Variants in HIPK1 observed in about 807,000 individuals in gnomAD.
HIPK1 encodes the protein homeodomain interacting protein kinase 1.
Under a neutral mutation model 117.1 loss-of-function variants are expected in HIPK1, and 28 were observed. That is an observed-to-expected ratio of 0.24 (90% CI 0.18 to 0.33). The LOEUF (loss-of-function observed/expected upper bound fraction) is 0.33. HIPK1 is among the 10% of genes least tolerant of loss of function. HIPK1 has a pLI of 1.00. For synonymous variants in HIPK1, 605 were observed against 562.5 expected (o/e 1.08, Z -1.07); for missense variants, 1,122 against 1,475.1 (o/e 0.76, Z 3.92).
In HIPK1 at chr1:113,948,928, C is replaced by G. The variant is rs550448574; in HGVS notation, c.1077-3838C>G. Among the ~76,000 whole-genome samples the G allele has an allele frequency of 1.7e-4, 26 of 152,196 alleles. 1 individual carries two copies. The highest frequency in any genetic ancestry group is 4.1e-4 in the African/African-American group (17 of 41,524). On this transcript the variant is annotated intron_variant, in intron 2 of 15. Coordinates refer to ENST00000426820, the MANE Select transcript of HIPK1 (RefSeq NM_198268.3). Reference sequence around the variant, plus strand: ...TCTTGGCTCACTGCAACCTCTGCCCCCCGGGTTCAAGCGATTCTCCTGCCT... The same window carrying G: ...TCTTGGCTCACTGCAACCTCTGCCCGCCGGGTTCAAGCGATTCTCCTGCCT...
Position 113,967,888 on chromosome 1 carries a change from A to G in HIPK1, c.2504A>G (p.Gln835Arg). The G allele has an allele frequency of 6.2e-7, 1 of 1,612,006 alleles. No individual in the cohort carries two copies. The highest frequency in any genetic ancestry group is 1.1e-5 in the South Asian group (1 of 90,620). ...LNVGVAHVVR[Q>R]QQSSSLPSKK... ...GTTGGTGTTGCCCATGTTGTCAGAC[A>G]ACAACAATCCAGTTCCCTCCCTTCG... Residue 835 changes from glutamine to arginine, a missense_variant, in exon 12 of 16, where the codon CAA (glutamine) becomes CGA (arginine). This residue lies in a region of HIPK1 where 731 missense variants were observed against 860.4 expected (regional missense o/e 0.85). Transcript: ENST00000426820.
In HIPK1 at chr1:113,976,053, C is replaced by T. The variant is rs536305212; in HGVS notation, c.*2541C>T. 2 of 152,772 alleles carry T rather than the reference C, an allele frequency of 1.3e-5. No homozygotes were observed. Among genetic ancestry groups the T allele is most frequent in the East Asian group, 1.9e-4 (1 of 5,312 alleles). 9.5% of individuals were successfully genotyped at this position (152,772 alleles called of 1,614,324 possible). A position where few individuals can be genotyped will look rare whatever the true frequency, so the allele number is the denominator to read the frequency against. On this transcript the variant is annotated 3_prime_UTR_variant, in exon 16 of 16. Coordinates refer to ENST00000426820, the MANE Select transcript of HIPK1 (RefSeq NM_198268.3). Reference sequence around the variant, plus strand: ...GATGGAGATGGGAGATTTCATGGAGCCTGGTCAGCCAGCTCTGTACCAGGT... The same window carrying T: ...GATGGAGATGGGAGATTTCATGGAGTCTGGTCAGCCAGCTCTGTACCAGGT...
chr1:113,934,510 C>T (rs1670122975), intron 1 of HIPK1, among the ~76,000 whole-genome samples: 1 of 152,056 alleles, frequency 6.6e-6, no homozygotes, highest in Non-Finnish European at 1.5e-5. Flanking sequence ...ATCTTTTGCC[C>T]ATCATTGCTA....
intron 2 of HIPK1, among the ~76,000 whole-genome samples, chr1:113,944,338 A>G (rs1670849419): frequency 6.7e-6 from 1 of 149,638 alleles, no homozygotes; most frequent in African/African-American, 2.5e-5. Context: ...TAATTTTTGT[A>G]TTTTTAGTAG....
At chr1:113,932,621 C>T (rs1669971984) in intron 1 of HIPK1, among the ~76,000 whole-genome samples, 1 of 152,112 alleles carries the variant, frequency 6.6e-6, no homozygotes, top group Non-Finnish European at 1.5e-5. Flanking sequence ...TCAAGTGATC[C>T]ACCTGCCTCG....
rs1222501010 is a variant in HIPK1, at chr1:113,976,139, C to G, written c.*2627C>G. ...CTTCATTGTAAGGAGTAAGGGCTTCCAAGATGGGGCAGGTAGTCCGTACAG... is the reference window on the plus strand; with the variant it reads ...CTTCATTGTAAGGAGTAAGGGCTTCGAAGATGGGGCAGGTAGTCCGTACAG... On this transcript the variant is annotated 3_prime_UTR_variant, in exon 16 of 16. Coordinates refer to ENST00000426820, the MANE Select transcript of HIPK1 (RefSeq NM_198268.3). The G allele has an allele frequency of 1.3e-5, 2 of 152,686 alleles. No individual in the cohort carries two copies. Among genetic ancestry groups the G allele is most frequent in the East Asian group, 1.9e-4 (1 of 5,334 alleles). 9.5% of individuals were successfully genotyped at this position (152,686 alleles called of 1,614,324 possible).
In HIPK1 at chr1:113,940,650, T is replaced by C. The variant is rs754913664; in HGVS notation, c.267T>C (p.Ala89=). The C allele has an allele frequency of 6.2e-7, 1 of 1,614,226 alleles. No individual in the cohort carries two copies. The highest frequency in any genetic ancestry group is 8.5e-7 in the Non-Finnish European group (1 of 1,180,038). Residue 89 remains alanine (A), a synonymous_variant, in exon 2 of 16, where the codon GCT becomes GCC. Transcript: ENST00000426820. ...TGGAGCATATTGTTGTAACAGCCGCTGATAGCTCGGGCAGTGCTGCTACAT... is the reference window on the plus strand; with the variant it reads ...TGGAGCATATTGTTGTAACAGCCGCCGATAGCTCGGGCAGTGCTGCTACAT... ...PAVEHIVVTA[A]DSSGSAATST...
chr1:113,966,759 T>G (rs1165519151), intron 11 of HIPK1, among the ~76,000 whole-genome samples: 2 of 152,148 alleles, frequency 1.3e-5, no homozygotes, highest in African/African-American at 4.8e-5. Context: ...TTACACTCTT[T>G]AAGTCATTTA....
At chr1:113,957,095 A>C in intron 6 of HIPK1, 29 bp from the exon 7 acceptor site, 1 of 1,578,382 alleles carries the variant, frequency 6.3e-7, no homozygotes, top group Non-Finnish European at 8.7e-7. Context: ...CTCAGCATTC[A>C]TTTAATGAAT....
At position 113,968,616 on chromosome 1, in the gene HIPK1, TGAG is replaced by T; in HGVS notation, c.2742_2744del (p.Glu916del). 1 of 1,613,976 alleles carries T rather than the reference TGAG, an allele frequency of 6.2e-7. No individual in the cohort carries two copies. Among genetic ancestry groups the T allele is most frequent in the Non-Finnish European group, 8.5e-7 (1 of 1,179,848 alleles). On this transcript the variant is annotated inframe_deletion, in exon 13 of 16. Transcript: ENST00000426820. ...TCATCACTATCCGAAGTGACACTGA[TGAG>T]GAAGAGGACAACAAATACAAGCCCA...
intron 8 of HIPK1, among the ~76,000 whole-genome samples, chr1:113,960,481 CTAT>C (rs1310763052): frequency 4.6e-5 from 7 of 152,124 alleles, no homozygotes; most frequent in Admixed American, 6.6e-5. Flanking sequence ...TTAGTGGTAA[CTAT>C]TATTCTGTAA....
At chr1:113,929,715 G>T in intron 1 of HIPK1, 183 bp downstream of exon 1, 1 of 792,798 alleles carries the variant, frequency 1.3e-6, no homozygotes, top group Non-Finnish European at 1.6e-6. Context: ...GGGCTGAGGC[G>T]GCGGCGGCGG....
intron 1 of HIPK1, among the ~76,000 whole-genome samples, chr1:113,935,323 G>C (rs1015711441): frequency 6.6e-6 from 1 of 152,130 alleles, no homozygotes; most frequent in African/African-American, 2.4e-5. Context: ...TGGCCCTCCA[G>C]CTTCATCCAT....
intron 7 of HIPK1, among the ~76,000 whole-genome samples, chr1:113,957,599 GAGA>G (rs1011632730): frequency 1.3e-5 from 2 of 152,222 alleles, no homozygotes; most frequent in Non-Finnish European, 2.9e-5. Flanking sequence ...TCCCTGTTAG[GAGA>G]AGGATTTTAT....
chr1:113,968,059 C>T, intron 12 of HIPK1, 111 bp downstream of exon 12: 1 of 940,920 alleles, frequency 1.1e-6, no homozygotes, highest in South Asian at 1.6e-5. Flanking sequence ...CAGCAAGTAG[C>T]TGCCAAATTG....
chr1:113,966,139 C>T lies in HIPK1; in HGVS notation c.2248C>T (p.Pro750Ser). The T allele has an allele frequency of 6.2e-7, 1 of 1,613,674 alleles. No homozygotes were observed. The highest frequency in any genetic ancestry group is 1.1e-5 in the South Asian group (1 of 90,970). The change falls in exon 11 of 16, where the codon CCT becomes TCT. Residue 750 changes from proline to serine, a missense_variant. Physicochemically the swap from Pro to Ser is moderately conservative, Grantham distance 74. This residue lies in a region of HIPK1 where 731 missense variants were observed against 860.4 expected (regional missense o/e 0.85). Transcript: ENST00000426820. ...GTGTGTTTCCTTACAGCAGGCGTGG[C>T]CTGGAGGGACTCAGCAAATTCTCCT... ...EQTAAVLQAW[P>S]GGTQQILLPS...
chr1:113,948,955 A>T (rs763710924), intron 2 of HIPK1, among the ~76,000 whole-genome samples: 1 of 152,058 alleles, frequency 6.6e-6, no homozygotes, highest in Non-Finnish European at 1.5e-5. Flanking sequence ...CTCCTGCCTC[A>T]GCCTCTGGAG....
intron 3 of HIPK1, among the ~76,000 whole-genome samples, chr1:113,953,433 A>G (rs1293428230): frequency 6.6e-6 from 1 of 152,230 alleles, no homozygotes; most frequent in Non-Finnish European, 1.5e-5. Context: ...GATATGGTAT[A>G]ATTTCCTAAG....
In HIPK1 at chr1:113,973,040, C is replaced by T. The variant is rs17853522; in HGVS notation, c.3161C>T (p.Ala1054Val). The change falls in exon 16 of 16, where the codon GCG (alanine) becomes GTG (valine). Residue 1054 changes from alanine to valine, a missense_variant. This residue lies in a region of HIPK1 where 731 missense variants were observed against 860.4 expected (regional missense o/e 0.85). Transcript: ENST00000426820. ...TTCTTCCAGAACCAGCAGTCATCGGCGGCTCCAACCTCACAGGAGAGAAGC... is the reference window on the plus strand; with the variant it reads ...TTCTTCCAGAACCAGCAGTCATCGGTGGCTCCAACCTCACAGGAGAGAAGC... The part of the protein sequence containing the change: ...LNLSQNQQSS[A>V]APTSQERSSN... The T allele has an allele frequency of 1.0e-4, 155 of 1,515,764 alleles. No individual in the cohort carries two copies. The highest frequency in any genetic ancestry group is 8.2e-4 in the African/African-American group (59 of 71,616). 93.9% of individuals were successfully genotyped at this position (1,515,764 alleles called of 1,614,324 possible). A position where few individuals can be genotyped will look rare whatever the true frequency, so the allele number is the denominator to read the frequency against.
Sources: allele counts gnomAD v4.1 joint callset (sites outside exome capture counted in the v4.1 genomes callset), GRCh38; gene constraint gnomAD v4.1.1; regional missense constraint gnomAD v4.1.1; transcripts MANE v1.5; gene names NCBI Gene and HGNC (gene_info 2026-07-23, HGNC 2026-07-21).